Variants in BMPER observed in about 807,000 individuals in gnomAD.
The protein encoded by BMPER is BMP-binding endothelial regulator protein.
In BMPER, 45 loss-of-function variants were observed where a neutral mutation model predicts 87.3. The observed-to-expected ratio is 0.52, with a 90% CI of 0.41 to 0.66. BMPER has a LOEUF of 0.66. BMPER is among the 30% of genes least tolerant of loss of function. The pLI is 0.00. For missense variants in BMPER, 784 were observed against 867.5 expected (o/e 0.90, Z 1.21); for synonymous variants, 326 against 316.2 (o/e 1.03, Z -0.33).
chr7:34,153,410 A>G lies in BMPER; in HGVS notation c.*137A>G. On this transcript the variant is annotated 3_prime_UTR_variant, in exon 15 of 15. Coordinates refer to ENST00000649409, the MANE Select transcript of BMPER (RefSeq NM_001365308.1). ...AGAGTATATATGTGTATATATATAT[A>G]GATATATTCAAAAACATTGCATCAT... 2 of 811,194 alleles carry G rather than the reference A, an allele frequency of 2.5e-6. No individual in the cohort carries two copies. Among genetic ancestry groups the G allele is most frequent in the Non-Finnish European group, 3.9e-6 (2 of 507,848 alleles). 50.2% of individuals were successfully genotyped at this position (811,194 alleles called of 1,614,324 possible). A position where few individuals can be genotyped will look rare whatever the true frequency, so the allele number is the denominator to read the frequency against.
chr7:33,974,943 G>A (rs1326372160), intron 6 of BMPER, among the ~76,000 whole-genome samples, 159 bp downstream of exon 6: 1 of 152,144 alleles, frequency 6.6e-6, no homozygotes, highest in Non-Finnish European at 1.5e-5. Context: ...TCATCCACCT[G>A]GCTCAGCACT....
chr7:34,126,279 G>A (rs779338456), intron 13 of BMPER, among the ~76,000 whole-genome samples: 1 of 152,228 alleles, frequency 6.6e-6, no homozygotes, highest in Non-Finnish European at 1.5e-5. Flanking sequence ...CTGGTTGAAG[G>A]TAGTGAGCTA....
intron 13 of BMPER, among the ~76,000 whole-genome samples, chr7:34,099,806 A>AT (rs994435020): frequency 6.0e-5 from 9 of 151,050 alleles, no homozygotes; most frequent in African/African-American, 9.7e-5. Flanking sequence ...AAAGAAACTG[A>AT]TTTTTTTTTC....
At chr7:34,132,331 G>C (rs1384257621) in intron 13 of BMPER, among the ~76,000 whole-genome samples, 2 of 151,620 alleles carry the variant, frequency 1.3e-5, no homozygotes, top group Non-Finnish European at 2.9e-5. Context: ...GTTCTGCCCT[G>C]CTCTCCCCAC....
intron 10 of BMPER, among the ~76,000 whole-genome samples, chr7:34,060,932 C>A (rs552089546): frequency 6.6e-6 from 1 of 152,328 alleles, no homozygotes; most frequent in South Asian, 2.1e-4. Context: ...GACAAAACTG[C>A]AGTGGGAAGA....
intron 13 of BMPER, among the ~76,000 whole-genome samples, chr7:34,094,703 C>T (rs1019058446): frequency 6.6e-6 from 1 of 152,162 alleles, no homozygotes; most frequent in African/African-American, 2.4e-5. Context: ...CTGATTATTC[C>T]CCCATGTGTA....
chr7:33,994,969 A>T (rs570866505), intron 6 of BMPER, among the ~76,000 whole-genome samples: 2 of 152,198 alleles, frequency 1.3e-5, no homozygotes, highest in Non-Finnish European at 2.9e-5. Flanking sequence ...CTAAATACCA[A>T]TTAATAGAAA....
intron 13 of BMPER, among the ~76,000 whole-genome samples, chr7:34,106,982 T>C (rs1789836133): frequency 1.3e-5 from 2 of 152,256 alleles, no homozygotes; most frequent in African/African-American, 4.8e-5. Flanking sequence ...TTTTCTTTTC[T>C]TCTGAACTCC....
At chr7:33,994,578 C>G (rs181082468) in intron 6 of BMPER, among the ~76,000 whole-genome samples, 29 of 152,350 alleles carry the variant, frequency 1.9e-4, no homozygotes, top group Non-Finnish European at 2.8e-4. Context: ...AATCACCCGT[C>G]TTCTGCGTCA....
At chr7:33,951,051 CTTT>C (rs540716363) in intron 3 of BMPER, among the ~76,000 whole-genome samples, 1 of 141,854 alleles carries the variant, frequency 7.0e-6, no homozygotes. Flanking sequence ...CCTGGTGGGA[CTTT>C]TTTTTTTTTT....
intron 13 of BMPER, among the ~76,000 whole-genome samples, chr7:34,125,863 C>T (rs1482236958): frequency 6.6e-6 from 1 of 152,168 alleles, no homozygotes; most frequent in African/African-American, 2.4e-5. Flanking sequence ...AAACATGGAT[C>T]ATTCTTCAAT....
chr7:34,046,440 ATTTCTTCTCAAAG>A, intron 7 of BMPER, 35 bp downstream of exon 7: 1 of 1,587,468 alleles, frequency 6.3e-7, no homozygotes. Flanking sequence ...GAACAATGTA[ATTTCTTCTCAAAG>A]TTTCTGCTGG....
intron 6 of BMPER, among the ~76,000 whole-genome samples, chr7:33,988,402 A>G (rs527339482): frequency 6.6e-6 from 1 of 152,336 alleles, no homozygotes; most frequent in South Asian, 2.1e-4. Flanking sequence ...TTAATAACTA[A>G]GCCCACTAAC....
intron 6 of BMPER, among the ~76,000 whole-genome samples, chr7:33,975,055 C>A (rs1290176433): frequency 1.3e-5 from 2 of 152,186 alleles, no homozygotes; most frequent in Non-Finnish European, 2.9e-5. Flanking sequence ...TGCCAGTAAA[C>A]CCCTCCAGCT....
chr7:33,975,638 A>G (rs1030835474), intron 6 of BMPER, among the ~76,000 whole-genome samples: 1 of 152,190 alleles, frequency 6.6e-6, no homozygotes, highest in African/African-American at 2.4e-5. Context: ...GAGTTAGTAC[A>G]ACCATCTATT....
rs371400522 is a variant in BMPER, at chr7:33,919,063, G to A, written c.219+12160G>A. 1.9e-4 allele frequency among the ~76,000 whole-genome samples: 29 copies of A among 152,226 alleles called. No individual in the cohort carries two copies. In the East Asian group the frequency reaches 5.0e-3, roughly 26 times the overall value. On this transcript the variant is annotated intron_variant, in intron 2 of 14. Transcript: ENST00000649409. Reference sequence around the variant, plus strand: ...TCCTCCATGGGTGCACGTGTGTGGGGGGGAATTGTTAAAAACTGTGAATTT... The same window carrying A: ...TCCTCCATGGGTGCACGTGTGTGGGAGGGAATTGTTAAAAACTGTGAATTT...
rs3083764 is a variant in BMPER at position 33,933,441 on chromosome 7, GTTTTTTT to G, written c.220-3834_220-3828del. 3.1e-3 allele frequency among the ~76,000 whole-genome samples: 403 copies of G among 128,410 alleles called. 1 individual carries two copies. Among genetic ancestry groups the G allele is most frequent in the African/African-American group, 0.011 (389 of 34,822 alleles). The allele number at this position is 128,410 out of a possible 152,430, so 84.2% of individuals were successfully genotyped here. ...TTTATTGCTCTTATTCATTGGTTAG[GTTTTTTT>G]TTTTTTTTTTTTTAGAGTATTCTGA... On this transcript the variant is annotated intron_variant, in intron 2 of 14. Transcript: ENST00000649409.
At chr7:34,036,156 G>A (rs1404763592) in intron 6 of BMPER, among the ~76,000 whole-genome samples, 3 of 152,136 alleles carry the variant, frequency 2.0e-5, no homozygotes, top group Non-Finnish European at 2.9e-5. Context: ...GCCTGGAAGC[G>A]GGCCAGGCTG....
At position 34,029,339 on chromosome 7, in the gene BMPER, G is replaced by A. The variant is rs140763771; in HGVS notation, c.577-16967G>A. ...TTGTTGATATTATTTTAATTTCAGC[G>A]TTGGGGGACCAGGCTAGAGATGGGA... On this transcript the variant is annotated intron_variant, in intron 6 of 14. Transcript: ENST00000649409. Among the ~76,000 whole-genome samples the A allele has an allele frequency of 2.5e-3, 378 of 152,166 alleles. 1 individual carries two copies. Among genetic ancestry groups the A allele is most frequent in the Non-Finnish European group, 4.6e-3 (313 of 67,972 alleles).
Sources: allele counts gnomAD v4.1 joint callset (sites outside exome capture counted in the v4.1 genomes callset), GRCh38; gene constraint gnomAD v4.1.1; transcripts MANE v1.5; gene names NCBI Gene and HGNC (gene_info 2026-07-23, HGNC 2026-07-21).